SLC25A51: variants seen among roughly 807,000 people sequenced by gnomAD.
SLC25A51 encodes the protein mitochondrial nicotinamide adenine dinucleotide transporter SLC25A51.
In SLC25A51, 11 loss-of-function variants were observed where a neutral mutation model predicts 19.1. That is an observed-to-expected ratio of 0.58 (90% CI 0.36 to 0.96). The LOEUF is 0.96. Among genes scored for constraint, SLC25A51 ranks in the 40% least tolerant of loss-of-function variants. The pLI, the probability that SLC25A51 is intolerant of heterozygous loss-of-function variation, is 0.01. For missense variants in SLC25A51, 201 were observed against 365.4 expected (o/e 0.55, Z 3.67); for synonymous variants, 105 against 133.6 (o/e 0.79, Z 1.47).
chr9:37,903,318 C>T (rs990917836), intron 1 of SLC25A51, among the ~76,000 whole-genome samples: 11 of 152,142 alleles, frequency 7.2e-5, no homozygotes, highest in Non-Finnish European at 1.2e-4. Context: ...TTAAGATCAG[C>T]TAGGTAGAGC....
chr9:37,888,715 T>C (rs1831516847), intron 2 of SLC25A51, 123 bp from the exon 3 acceptor site: 5 of 778,044 alleles, frequency 6.4e-6, no homozygotes, highest in Non-Finnish European at 7.8e-6. Context: ...AGATCAGTGA[T>C]TCTTAAAGCA....
chr9:37,881,294 C>T (rs1831345024), intron 3 of SLC25A51, among the ~76,000 whole-genome samples: 1 of 151,758 alleles, frequency 6.6e-6, no homozygotes, highest in African/African-American at 2.4e-5. Context: ...ACAGAAAGTA[C>T]TGATAAGCTA....
chr9:37,902,355 A>G (rs1461436914), intron 1 of SLC25A51, among the ~76,000 whole-genome samples: 2 of 152,250 alleles, frequency 1.3e-5, no homozygotes, highest in Non-Finnish European at 2.9e-5. Flanking sequence ...CACCATATCC[A>G]ACTATTTTAA....
intron 2 of SLC25A51, among the ~76,000 whole-genome samples, chr9:37,892,192 G>A (rs1831606092): frequency 6.6e-6 from 1 of 152,214 alleles, no homozygotes; most frequent in South Asian, 2.1e-4. Context: ...GGAGATAAAT[G>A]AAATCATGGA....
downstream of SLC25A51, chr9:37,878,516 C>A (rs867491934): frequency 5.3e-6 from 1 of 190,068 alleles, no homozygotes; most frequent in South Asian, 1.2e-4. Flanking sequence ...CAATCATGAC[C>A]CACAGTGGTC....
In SLC25A51 at chr9:37,887,685, G is replaced by A. The variant is rs1197603007; in HGVS notation, c.866C>T (p.Thr289Ile). The change falls in exon 3 of 3, where the codon ACT (threonine) becomes ATT (isoleucine). Residue 289 changes from threonine (T) to isoleucine (I), a missense_variant. By Grantham distance (89) the Thr-to-Ile change is moderately conservative (BLOSUM62 -1). Coordinates refer to ENST00000242275, the MANE Select transcript of SLC25A51 (RefSeq NM_033412.4). The stretch of plus-strand genomic sequence containing the variant: ...TATAACCTTTAACAAGAACTCATAA[G>A]TTGCATTGATTATGCCCCAAGAGAT... ...SLISWGIINA[T>I]YEFLLKVI 28 of 1,611,660 alleles carry A rather than the reference G, an allele frequency of 1.7e-5. No homozygotes were observed. Among genetic ancestry groups the A allele is most frequent in the Non-Finnish European group, 2.4e-5 (28 of 1,179,240 alleles).
intron 2 of SLC25A51, among the ~76,000 whole-genome samples, chr9:37,881,991 T>G (rs1831357357): frequency 6.6e-6 from 1 of 152,158 alleles, no homozygotes; most frequent in Non-Finnish European, 1.5e-5. Flanking sequence ...GTCATAAAAC[T>G]CAAACTATCA....
intron 1 of SLC25A51, 38 bp from the exon 2 acceptor site, chr9:37,899,988 C>CTTTTTTTTTTTTTTTTTT (rs35821924): frequency 1.8e-5 from 1 of 57,072 alleles, no homozygotes; most frequent in Non-Finnish European, 3.1e-5. Context: ...TTTATATAGC[C>CTTTTTTTTTTTTTTTTTT]TTTTTTTTTT....
downstream of SLC25A51, among the ~76,000 whole-genome samples, chr9:37,885,474 T>C (rs1366981935): frequency 6.6e-6 from 1 of 151,910 alleles, no homozygotes; most frequent in Non-Finnish European, 1.5e-5. Flanking sequence ...CCAACTTATA[T>C]TTGGCCAATT....
Position 37,888,320 on chromosome 9 carries a change from A to C in SLC25A51, c.231T>G (p.Phe77Leu). The C allele has an allele frequency of 1.2e-6, 2 of 1,614,238 alleles. No individual in the cohort carries two copies. The highest frequency in any genetic ancestry group is 1.6e-4 in the Middle Eastern group (1 of 6,062). Residue 77 changes from phenylalanine (F) to leucine (L), a missense_variant, in exon 3 of 3, where the codon TTT becomes TTG. Phe to Leu is a conservative substitution (Grantham distance 22). Transcript: ENST00000242275. ...GAAGGATTCCACGATACAAATTTCG[A>C]AATCCATCCCTTCTCAACTGAAGTA... ...DAILQLRRDG[F>L]RNLYRGILPP...
intron 1 of SLC25A51, 32 bp downstream of exon 1, chr9:37,904,036 C>G (rs993591329): frequency 2.0e-5 from 3 of 152,420 alleles, no homozygotes. Context: ...CGAAGAAAGC[C>G]CGGTGCTTCC....
chr9:37,887,500 G>A (rs1398772181), downstream of SLC25A51: 1 of 819,270 alleles, frequency 1.2e-6, no homozygotes, highest in Non-Finnish European at 1.9e-6. Flanking sequence ...AAATCCCCTG[G>A]ACTTTCACTA....
chr9:37,886,515 G>C, downstream of SLC25A51: 1 of 1,086,138 alleles, frequency 9.2e-7, no homozygotes, highest in Non-Finnish European at 1.3e-6. Context: ...GCAGTGCGCA[G>C]CTTCTGATTT....
At position 37,899,953 on chromosome 9, in the gene SLC25A51, TA is replaced by T. The variant is rs773788599; in HGVS notation, c.-164-4del. On this transcript the variant is annotated splice_polypyrimidine_tract_variant and splice_region_variant and intron_variant, in intron 1 of 2. Transcript: ENST00000242275. ...GTCAATTTTGATAACTGGATTTCCT[TA>T]AAAAAAAAAAAATTCTGGTTTAATT... 3,280 of 134,004 alleles carry T rather than the reference TA, an allele frequency of 0.024. 92 individuals carry two copies. Among genetic ancestry groups the T allele is most frequent in the African/African-American group, 0.067 (2,417 of 36,162 alleles). 8.3% of individuals were successfully genotyped at this position (134,004 alleles called of 1,614,324 possible).
chr9:37,900,107 G>A (rs979841805), intron 1 of SLC25A51, among the ~76,000 whole-genome samples, 157 bp from the exon 2 acceptor site: 2 of 142,548 alleles, frequency 1.4e-5, no homozygotes, highest in Non-Finnish European at 3.0e-5. Flanking sequence ...CAAAGTGTTG[G>A]GATGACAGGC....
At chr9:37,897,532 T>C (rs1220627848) in intron 2 of SLC25A51, among the ~76,000 whole-genome samples, 2 of 152,080 alleles carry the variant, frequency 1.3e-5, no homozygotes, top group Non-Finnish European at 2.9e-5. Context: ...AAAAGATCAC[T>C]TGCAAAAAAT....
chr9:37,891,665 G>A (rs1013033761), intron 2 of SLC25A51, among the ~76,000 whole-genome samples: 7 of 151,982 alleles, frequency 4.6e-5, no homozygotes, highest in Non-Finnish European at 1.0e-4. Context: ...CAGCATGCTC[G>A]TTAAGAGTCA....
At position 37,887,744 on chromosome 9, in the gene SLC25A51, G is replaced by A. The variant is rs367640995; in HGVS notation, c.807C>T (p.Phe269=). The A allele has an allele frequency of 1.8e-5, 29 of 1,613,752 alleles. No individual in the cohort carries two copies. The highest frequency in any genetic ancestry group is 2.1e-5 in the Non-Finnish European group (25 of 1,179,866). Residue 269 remains phenylalanine, a synonymous_variant, in exon 3 of 3, where the codon TTC becomes TTT. Coordinates refer to ENST00000242275, the MANE Select transcript of SLC25A51 (RefSeq NM_033412.4). ...GATGGTAATTCAGATGGGCACCTCTGAAAAGATTTATCAGTTTTCTGTCCC... is the reference window on the plus strand; with the variant it reads ...GATGGTAATTCAGATGGGCACCTCTAAAAAGATTTATCAGTTTTCTGTCCC... ...LERDRKLINL[F]RGAHLNYHRS... is the part of the protein sequence containing the mutation.
intron 2 of SLC25A51, among the ~76,000 whole-genome samples, chr9:37,882,146 A>C (rs73646120): frequency 0.028 from 4,196 of 152,304 alleles, 207 homozygotes; most frequent in African/African-American, 0.096. Flanking sequence ...AAAAATCCTC[A>C]AATTTCAAGA....
Sources: allele counts gnomAD v4.1 joint callset (sites outside exome capture counted in the v4.1 genomes callset), GRCh38; gene constraint gnomAD v4.1.1; transcripts MANE v1.5; gene names NCBI Gene and HGNC (gene_info 2026-07-23, HGNC 2026-07-21).